Variants in FCRL5 observed in about 807,000 individuals in gnomAD.
FCRL5 encodes Fc receptor like 5, also known as Fc receptor-like protein 5.
Under a neutral mutation model 92.1 loss-of-function variants are expected in FCRL5, and 79 were observed. The ratio of observed to expected loss-of-function variants is 0.86; its 90% confidence interval spans 0.72 to 1.03. FCRL5 has a LOEUF of 1.03. Among genes scored for constraint, FCRL5 ranks in the 50% least tolerant of loss-of-function variants. The pLI, the probability that FCRL5 is intolerant of heterozygous loss-of-function variation, is 0.00. For synonymous variants in FCRL5, 466 were observed against 469.3 expected (o/e 0.99, Z 0.09); for missense variants, 1,160 against 1,181.1 (o/e 0.98, Z 0.26).
rs1191048434 is a variant in FCRL5, at chr1:157,518,577, G to A, written c.2744-80C>T. On this transcript the variant is annotated intron_variant, in intron 14 of 16. Coordinates refer to ENST00000361835, the MANE Select transcript of FCRL5 (RefSeq NM_031281.3). ...GATACTTCCTCCTCCCCCAGCCAGA[G>A]TCTCTTTTCTGGAAGGACTAGAGCC... 1.6e-5 allele frequency: 23 copies of A among 1,478,782 alleles called. No individual in the cohort carries two copies. The South Asian group carries it at 2.4e-4, about 15-fold the overall frequency. The allele number at this position is 1,478,782 out of a possible 1,614,324, so 91.6% of individuals were successfully genotyped here.
intron 7 of FCRL5, 51 bp from the exon 8 acceptor site, chr1:157,534,943 A>G (rs1650898347): frequency 6.7e-7 from 1 of 1,499,070 alleles, no homozygotes; most frequent in Non-Finnish European, 8.9e-7. Context: ...CTTACTGTAG[A>G]TTTCAACACT....
At chr1:157,535,773 G>C (rs923739465) in intron 7 of FCRL5, among the ~76,000 whole-genome samples, 7 of 152,006 alleles carry the variant, frequency 4.6e-5, no homozygotes, top group African/African-American at 1.7e-4. Context: ...ATTCAATGAG[G>C]TAGGTATTAT....
chr1:157,524,516 C>T lies in FCRL5; in HGVS notation c.2002G>A (p.Ala668Thr). ...AGCAGGTCCCCCACCACAGCCTGGG[C>T]CCTGGGAGCCCTGAAGGTGAGGATG... Reference protein sequence around the residue: ...RPILTFRAPRAQAVVGDLLEL... With the variant: ...RPILTFRAPRTQAVVGDLLEL... Residue 668 changes from alanine (A) to threonine (T), a missense_variant, in exon 10 of 17, where the codon GCC (alanine) becomes ACC (threonine). Physicochemically the swap from Ala to Thr is moderately conservative, Grantham distance 58 (BLOSUM62 0). Coordinates refer to ENST00000361835, the MANE Select transcript of FCRL5 (RefSeq NM_031281.3). 1 of 1,613,118 alleles carries T rather than the reference C, an allele frequency of 6.2e-7. No individual in the cohort carries two copies. Among genetic ancestry groups the T allele is most frequent in the Non-Finnish European group, 8.5e-7 (1 of 1,179,304 alleles).
intron 3 of FCRL5, among the ~76,000 whole-genome samples, chr1:157,546,712 A>C (rs1248757413): frequency 6.6e-6 from 1 of 152,202 alleles, no homozygotes; most frequent in Non-Finnish European, 1.5e-5. Context: ...AGGTTTAGAG[A>C]CATTAATCCA....
In FCRL5 at chr1:157,515,754, A is replaced by G; in HGVS notation, c.2855T>C (p.Ile952Thr). 2 of 1,610,436 alleles carry G rather than the reference A, an allele frequency of 1.2e-6. No homozygotes were observed. Among genetic ancestry groups the G allele is most frequent in the African/African-American group, 2.7e-5 (2 of 74,360 alleles). The change falls in exon 17 of 17, where the codon ATC (isoleucine) becomes ACC (threonine). Residue 952 changes from isoleucine (I) to threonine (T), a missense_variant. Transcript: ENST00000361835. ...PRHLRNKGSP[I>T]IYSEVKVAST... Reference sequence around the variant, plus strand: ...CGCCACCTTAACTTCAGAGTAGATGATAGGGGAACCCTAGGAGGCAAGAGC... The same window carrying G: ...CGCCACCTTAACTTCAGAGTAGATGGTAGGGGAACCCTAGGAGGCAAGAGC...
rs751603300 is a variant in FCRL5, at chr1:157,539,230, C to A, written c.1258G>T (p.Ala420Ser). 27 of 1,614,084 alleles carry A rather than the reference C, an allele frequency of 1.7e-5. No homozygotes were observed. The South Asian group carries it at 2.7e-4, about 16-fold the overall frequency. Residue 420 changes from alanine to serine, a missense_variant, in exon 7 of 17, where the codon GCC (alanine) becomes TCC (serine). By Grantham distance (99) the Ala-to-Ser change is moderately conservative. Transcript: ENST00000361835. ...ILYQFHHEGA[A>S]LERRSANSAG... ...GAGTTGGCCGACCTACGCTCCAGGG[C>A]AGCACCCTCATGATGAAACTGGTAC...
intron 9 of FCRL5, among the ~76,000 whole-genome samples, chr1:157,527,145 A>G (rs1024748657): frequency 6.6e-6 from 1 of 152,168 alleles, no homozygotes; most frequent in African/African-American, 2.4e-5. Context: ...TCTTCTAACA[A>G]GGGTCTTGGG....
intron 10 of FCRL5, 121 bp from the exon 11 acceptor site, chr1:157,521,413 G>A: frequency 8.2e-7 from 1 of 1,224,028 alleles, no homozygotes; most frequent in Non-Finnish European, 1.1e-6. Flanking sequence ...TTAAAACATA[G>A]ATGATAAAGC....
chr1:157,521,447 T>A (rs781004931), intron 10 of FCRL5, 155 bp from the exon 11 acceptor site: 13 of 868,018 alleles, frequency 1.5e-5, no homozygotes, highest in Non-Finnish European at 2.2e-5. Context: ...CTGCTAATAG[T>A]TTTCAGTGTA....
chr1:157,541,588 T>C lies in FCRL5; in HGVS notation c.1123+1271A>G, dbSNP rs114597591. Among the ~76,000 whole-genome samples, 538 of 152,328 alleles carry C rather than the reference T, an allele frequency of 3.5e-3. 5 individuals carry two copies. Among genetic ancestry groups the C allele is most frequent in the African/African-American group, 0.013 (520 of 41,566 alleles). On this transcript the variant is annotated intron_variant, in intron 6 of 16. Transcript: ENST00000361835. ...TCTTCTCCTGAAATGTTCCCACTCATCCTCAGGTCTCAACTCACACATGAG... is the reference window on the plus strand; with the variant it reads ...TCTTCTCCTGAAATGTTCCCACTCACCCTCAGGTCTCAACTCACACATGAG...
rs1397749833 is a variant in FCRL5 at position 157,527,617 on chromosome 1, C to T, written c.1960G>A (p.Val654Ile). 8 of 1,600,084 alleles carry T rather than the reference C, an allele frequency of 5.0e-6. No individual in the cohort carries two copies. In the South Asian group the frequency reaches 9.0e-5, roughly 18 times the overall value. The change falls in exon 9 of 17, where the codon GTT becomes ATT. Residue 654 changes from valine (V) to isoleucine (I), a missense_variant and splice_region_variant. Transcript: ENST00000361835. ...HSDTISLSVI[V>I]PVSRPILTFR... The stretch of plus-strand genomic sequence containing the variant: ...TGTGCTGCTGGTTAGGTCAACTTAC[C>T]TATAACACTGAGTGATATTGTGTCA...
intron 8 of FCRL5, chr1:157,532,017 A>G (rs569046754): frequency 6.6e-6 from 1 of 152,344 alleles, no homozygotes; most frequent in Non-Finnish European, 1.5e-5. Flanking sequence ...GATGATGGGT[A>G]CATTAAATAT....
At position 157,514,068 on chromosome 1, in the gene FCRL5, A is replaced by G. The variant is rs964046215; in HGVS notation, c.*1607T>C. ...GGTTTCCTCCTTGAAAGGTTGGGGC[A>G]GCAGAGCCAGCCCTGTCTATCTGGG... On this transcript the variant is annotated 3_prime_UTR_variant, in exon 17 of 17. Coordinates refer to ENST00000361835, the MANE Select transcript of FCRL5 (RefSeq NM_031281.3). 1 of 152,256 alleles carries G rather than the reference A, an allele frequency of 6.6e-6. No homozygotes were observed. The highest frequency in any genetic ancestry group is 6.5e-5 in the Admixed American group (1 of 15,288). The allele number at this position is 152,256 out of a possible 1,614,324, so 9.4% of individuals were successfully genotyped here. A position where few individuals can be genotyped will look rare whatever the true frequency, so the allele number is the denominator to read the frequency against.
intron 7 of FCRL5, among the ~76,000 whole-genome samples, chr1:157,536,055 C>T (rs998893041): frequency 1.3e-5 from 2 of 149,472 alleles, no homozygotes; most frequent in African/African-American, 2.5e-5. Flanking sequence ...AATTCTCCTG[C>T]ATCAGCCTCC....
intron 6 of FCRL5, among the ~76,000 whole-genome samples, chr1:157,541,625 A>C (rs1403459265): frequency 6.6e-6 from 1 of 152,140 alleles, no homozygotes; most frequent in Non-Finnish European, 1.5e-5. Context: ...TCTTCCAAGA[A>C]ATTTTTTCTC....
At chr1:157,515,965 A>T in intron 15 of FCRL5, 92 bp from the exon 16 acceptor site, 1 of 1,408,758 alleles carries the variant, frequency 7.1e-7, no homozygotes, top group Non-Finnish European at 1.0e-6. Flanking sequence ...AGCCTCCTGG[A>T]GGCCCGCTCT....
Position 157,518,722 on chromosome 1 carries a change from C to T in FCRL5, c.2721G>A (p.Glu907=). 3 of 1,613,406 alleles carry T rather than the reference C, an allele frequency of 1.9e-6. No individual in the cohort carries two copies. The highest frequency in any genetic ancestry group is 2.5e-6 in the Non-Finnish European group (3 of 1,179,866). The part of the protein sequence containing the change: ...PTYHNVPAWE[E]LQPVYTNANP... ...CACCATTAGTGTACACTGGTTGCAG[C>T]TCTTCCCAGGCTGGTACATTGTGAT... Residue 907 remains glutamate (E), a synonymous_variant, in exon 14 of 17, where the codon GAG becomes GAA. Transcript: ENST00000361835.
Position 157,521,184 on chromosome 1 carries a change from A to T in FCRL5, c.2348T>A (p.Leu783Gln). Residue 783 changes from leucine to glutamine, a missense_variant, in exon 11 of 17, where the codon CTG becomes CAG. Transcript: ENST00000361835. ...CEALRGSPLI[L>Q]YRFFHEDVTL... Reference sequence around the variant, plus strand: ...GACATCCTCATGAAAAAACCGGTACAGGATCAGGGGAGAGCCTCTCAGGGC... The same window carrying T: ...GACATCCTCATGAAAAAACCGGTACTGGATCAGGGGAGAGCCTCTCAGGGC... The T allele has an allele frequency of 6.2e-7, 1 of 1,614,168 alleles. No individual in the cohort carries two copies. The highest frequency in any genetic ancestry group is 8.5e-7 in the Non-Finnish European group (1 of 1,180,030).
At chr1:157,546,119 C>A (rs1651522865) in intron 3 of FCRL5, 11 of 274,720 alleles carry the variant, frequency 4.0e-5, no homozygotes, top group South Asian at 3.6e-4. Context: ...AATTCTCCTG[C>A]CACTTATTAT....
Sources: gnomAD v4.1 joint callset for allele counts (sites outside exome capture counted in the v4.1 genomes callset) on GRCh38, gnomAD v4.1.1 for gene constraint, MANE v1.5 for transcripts, NCBI Gene and HGNC (gene_info 2026-07-23, HGNC 2026-07-21) for gene names.